Variants in TPR observed in about 807,000 individuals in gnomAD.
TPR encodes the protein translocated promoter region, nuclear basket protein.
In TPR, 51 loss-of-function variants were observed where a neutral mutation model predicts 316.1. That is an observed-to-expected ratio of 0.16 (90% CI 0.13 to 0.20). The LOEUF (loss-of-function observed/expected upper bound fraction) is 0.20, where lower values mean the gene tolerates loss of function less well. Ranked by LOEUF, TPR falls within the 10% of genes least tolerant of loss-of-function variation. TPR has a pLI of 1.00. For missense variants in TPR, 2,272 were observed against 2,754.8 expected, an observed-to-expected ratio of 0.82 and a Z score of 3.92; for synonymous variants, 981 against 914.7, an observed-to-expected ratio of 1.07 and a Z score of -1.31.
chr1:186,343,854 T>C, intron 26 of TPR, 52 bp downstream of exon 26: 1 of 1,440,634 alleles, frequency 6.9e-7, no homozygotes, highest in Non-Finnish European at 9.5e-7. Flanking sequence ...ATTTGTAGTT[T>C]CATTTCATAG....
At chr1:186,361,387 T>C (rs1659182604) in intron 9 of TPR, among the ~76,000 whole-genome samples, 1 of 151,934 alleles carries the variant, frequency 6.6e-6, no homozygotes, top group African/African-American at 2.4e-5. Context: ...TTATACAAGA[T>C]TATTAGATAA....
chr1:186,336,845 G>T, intron 32 of TPR, 151 bp from the exon 33 acceptor site: 2 of 1,320,992 alleles, frequency 1.5e-6, no homozygotes, highest in East Asian at 2.4e-5. Flanking sequence ...CCAACTAAAT[G>T]CACACTTGAA....
rs1444512302 is a variant in TPR, at chr1:186,323,783, G to A, written c.6200C>T (p.Ala2067Val). The change falls in exon 43 of 51, where the codon GCC becomes GTC. Residue 2067 changes from alanine to valine, a missense_variant. Ala to Val is a moderately conservative substitution (Grantham distance 64). Transcript: ENST00000367478. ...QQPSSASERQ[A>V]PRAPQSPRRP... is the part of the protein sequence containing the mutation. ...TCTCGGTGACTGAGGTGCTCGAGGG[G>A]CCTGTCTTTCAGATGCTGATGATGG... 1 of 1,544,384 alleles carries A rather than the reference G, an allele frequency of 6.5e-7. No homozygotes were observed. Among genetic ancestry groups the A allele is most frequent in the Non-Finnish European group, 8.7e-7 (1 of 1,155,338 alleles).
intron 39 of TPR, among the ~76,000 whole-genome samples, chr1:186,329,339 A>G (rs1324365608): frequency 2.0e-5 from 3 of 152,326 alleles, no homozygotes; most frequent in East Asian, 3.9e-4. Flanking sequence ...TACGCTCTGA[A>G]TAAGTTATTT....
chr1:186,362,254 T>G (rs1044306479), intron 7 of TPR, 34 bp downstream of exon 7: 1 of 1,553,900 alleles, frequency 6.4e-7, no homozygotes, highest in Middle Eastern at 1.8e-4. Flanking sequence ...GCTTTAGTAT[T>G]TTGTAAAAAA....
intron 13 of TPR, among the ~76,000 whole-genome samples, chr1:186,357,865 A>G (rs2101981444): frequency 6.6e-6 from 1 of 152,308 alleles, no homozygotes; most frequent in East Asian, 1.9e-4. Flanking sequence ...CCAAATTACA[A>G]TTCCCAAAAC....
chr1:186,367,862 A>C, intron 4 of TPR, 24 bp downstream of exon 4: 1 of 1,536,676 alleles, frequency 6.5e-7, no homozygotes, highest in South Asian at 1.1e-5. Context: ...AATGGAGCTA[A>C]AAGCTACAAG....
At chr1:186,365,520 T>C (rs139926890) in intron 4 of TPR, among the ~76,000 whole-genome samples, 1 of 152,250 alleles carries the variant, frequency 6.6e-6, no homozygotes, top group African/African-American at 2.4e-5. Context: ...AATTCAGCCT[T>C]TAGATCAGGA....
intron 4 of TPR, among the ~76,000 whole-genome samples, chr1:186,365,639 T>C (rs935942259): frequency 2.6e-5 from 4 of 152,188 alleles, no homozygotes; most frequent in African/African-American, 9.6e-5. Flanking sequence ...TTTTAAAGGA[T>C]AACACACTGA....
In TPR at chr1:186,319,715, A is replaced by G. The variant is rs574214788; in HGVS notation, c.6568+597T>C. ...TCTCTATTCATTTACCAAGTGCCAG[A>G]CAGCTTCCCAGAAATAAAGAGGGTA... On this transcript the variant is annotated intron_variant, in intron 46 of 50. Transcript: ENST00000367478. Among the ~76,000 whole-genome samples the G allele has an allele frequency of 1.6e-4, 25 of 152,326 alleles. 1 individual carries two copies. Among genetic ancestry groups the G allele is most frequent in the African/African-American group, 5.8e-4 (24 of 41,580 alleles).
chr1:186,329,534 A>G (rs963176763), intron 39 of TPR, among the ~76,000 whole-genome samples: 2 of 152,196 alleles, frequency 1.3e-5, no homozygotes, highest in Non-Finnish European at 2.9e-5. Context: ...ATCTGACACA[A>G]TATTTTTAAT....
intron 11 of TPR, 100 bp downstream of exon 11, chr1:186,360,173 G>C: frequency 2.1e-6 from 3 of 1,399,696 alleles, no homozygotes; most frequent in Non-Finnish European, 2.9e-6. Context: ...CTAATTATAA[G>C]ATGATTTTAA....
intron 24 of TPR, among the ~76,000 whole-genome samples, 169 bp downstream of exon 24, chr1:186,345,411 T>C (rs1658644983): frequency 6.6e-6 from 1 of 152,228 alleles, no homozygotes. Context: ...CCTATGTATT[T>C]ATTTTTAGCC....
intron 27 of TPR, chr1:186,343,009 A>C: frequency 4.8e-6 from 1 of 206,326 alleles, no homozygotes. Flanking sequence ...TAAATGCTTC[A>C]TGTGCACAAA....
chr1:186,339,733 A>G lies in TPR; in HGVS notation c.4060T>C (p.Tyr1354His), dbSNP rs762218093. ...SQQKDPDTEEYRKLLSEKEVH... is the reference protein window; with the variant it reads ...SQQKDPDTEEHRKLLSEKEVH... ...TCCTTTTCAGAAAGGAGCTTCCGAT[A>G]TTCTTCTGTATCTGGATCTTTCTGT... The change falls in exon 30 of 51, where the codon TAT becomes CAT. Residue 1354 changes from tyrosine (Y) to histidine (H), a missense_variant. This residue lies in a region of TPR where 96 missense variants were observed against 134.6 expected (regional missense o/e 0.71). Transcript: ENST00000367478. 3 of 1,605,346 alleles carry G rather than the reference A, an allele frequency of 1.9e-6. No individual in the cohort carries two copies. In the East Asian group the frequency reaches 6.8e-5, roughly 36 times the overall value.
rs781196692 is a variant in TPR, at chr1:186,338,202, C to G, written c.4193G>C (p.Ser1398Thr). 2.5e-6 allele frequency: 4 copies of G among 1,612,480 alleles called. No homozygotes were observed. Among genetic ancestry groups the G allele is most frequent in the Non-Finnish European group, 3.4e-6 (4 of 1,179,446 alleles). ...TACTTTATTTAGATCTTCCTTCAGA[C>G]TCTGAATTAAGTTCTGGTTGTTAGT... ...SLTNNQNLIQ[S>T]LKEDLNKVRT... The change falls in exon 31 of 51, where the codon AGT (serine) becomes ACT (threonine). Residue 1398 changes from serine (S) to threonine (T), a missense_variant. By Grantham distance (58) the Ser-to-Thr change is moderately conservative (BLOSUM62 1). Around this residue, in one of 10 missense-constraint regions of TPR, gnomAD observed 96 missense variants for 134.6 expected, o/e 0.71. Coordinates refer to ENST00000367478, the MANE Select transcript of TPR (RefSeq NM_003292.3).
intron 13 of TPR, 122 bp from the exon 14 acceptor site, chr1:186,357,745 T>C (rs1659070719): frequency 8.0e-6 from 6 of 752,708 alleles, no homozygotes; most frequent in Non-Finnish European, 1.2e-5. Flanking sequence ...TGCCTCAAAT[T>C]ATCTTTAAAA....
At chr1:186,333,426 C>T in intron 36 of TPR, 32 bp from the exon 37 acceptor site, 1 of 1,600,558 alleles carries the variant, frequency 6.2e-7, no homozygotes, top group Non-Finnish European at 8.5e-7. Context: ...GAATATAAGC[C>T]TTCTACTTTT....
At chr1:186,358,519 G>T (rs767386045) in intron 13 of TPR, 24 bp downstream of exon 13, 2 of 1,592,586 alleles carry the variant, frequency 1.3e-6, no homozygotes, top group Admixed American at 1.7e-5. Context: ...TTAAAAGTAG[G>T]AAAACAAACA....
Sources: allele counts gnomAD v4.1 joint callset (sites outside exome capture counted in the v4.1 genomes callset), GRCh38; gene constraint gnomAD v4.1.1; regional missense constraint gnomAD v4.1.1; transcripts MANE v1.5; gene names NCBI Gene and HGNC (gene_info 2026-07-23, HGNC 2026-07-21).